The following MCTP2 variants were observed in gnomAD, a reference collection of about 807,000 sequenced individuals.
The protein encoded by MCTP2 is multiple C2 and transmembrane domain containing 2, also known as multiple C2 and transmembrane domain-containing protein 2.
In MCTP2, 132 loss-of-function variants were observed where a neutral mutation model predicts 111.6. The observed-to-expected ratio is 1.18, with a 90% confidence interval of 1.03 to 1.37. MCTP2 has a LOEUF of 1.37. Among genes scored for constraint, MCTP2 ranks in the 40% most tolerant of loss-of-function variants. MCTP2 has a pLI of 0.00. For synonymous variants in MCTP2, 395 were observed against 387.7 expected (o/e 1.02, Z -0.22); for missense variants, 1,183 against 1,067.9 (o/e 1.11, Z -1.50).
intron 20 of MCTP2, 33 bp from the exon 21 acceptor site, chr15:94,470,292 TGAACATCA>T (rs1256408885): frequency 8.1e-6 from 11 of 1,361,498 alleles, no homozygotes; most frequent in Non-Finnish European, 1.0e-5. Context: ...TGGCAGTTGT[TGAACATCA>T]GAGGAAATTA....
rs1346276849 is a variant in MCTP2, at chr15:94,298,538, C to T, written c.273C>T (p.Ser91=). 1 of 1,614,124 alleles carries T rather than the reference C, an allele frequency of 6.2e-7. No homozygotes were observed. Among genetic ancestry groups the T allele is most frequent in the African/African-American group, 1.3e-5 (1 of 75,052 alleles). The change falls in exon 2 of 23, where the codon AGC becomes AGT. Residue 91 remains serine, a synonymous_variant. Transcript: ENST00000357742. ...CCACTGCAGGGATCTTTCCCAAGAG[C>T]AGCAGTAGCTCCTTGAAACAGTCTG... ...SLSTAGIFPK[S]SSSSLKQSEE... is the part of the protein sequence containing the mutation.
chr15:94,461,639 A>G (rs2085217039), intron 20 of MCTP2, among the ~76,000 whole-genome samples: 1 of 152,192 alleles, frequency 6.6e-6, no homozygotes, highest in Non-Finnish European at 1.5e-5. Flanking sequence ...AGGGAGACCT[A>G]GAATAGGCAA....
intron 20 of MCTP2, among the ~76,000 whole-genome samples, chr15:94,464,927 A>G (rs746846848): frequency 6.6e-6 from 1 of 152,056 alleles, no homozygotes; most frequent in Non-Finnish European, 1.5e-5. Context: ...AAAGTAGATC[A>G]TTGGATACAT....
chr15:94,399,813 T>G lies in MCTP2; in HGVS notation c.1891-108T>G, dbSNP rs1567625984. ...ACCATTTCTTTGCTCCCTGCTAAGG[T>G]CAGAGTCAGAAGCTATTGGTCTGCA... On this transcript the variant is annotated intron_variant, in intron 15 of 22. Transcript: ENST00000357742. 3.4e-6 allele frequency: 3 copies of G among 894,420 alleles called. No individual in the cohort carries two copies. The East Asian group carries it at 7.3e-5, about 22-fold the overall frequency. 55.4% of individuals were successfully genotyped at this position (894,420 alleles called of 1,614,324 possible).
chr15:94,420,410 T>C (rs994848933), intron 17 of MCTP2, among the ~76,000 whole-genome samples: 1 of 152,120 alleles, frequency 6.6e-6, no homozygotes, highest in Non-Finnish European at 1.5e-5. Context: ...ATAGCCGTCA[T>C]TGATTGTGAA....
At chr15:94,435,400 G>A (rs1367507515) in intron 17 of MCTP2, among the ~76,000 whole-genome samples, 1 of 151,938 alleles carries the variant, frequency 6.6e-6, no homozygotes, top group Non-Finnish European at 1.5e-5. Flanking sequence ...CTAAAATACT[G>A]TGTTGCTTTC....
At chr15:94,241,607 A>AATAGT (rs1172671715) in intron 1 of MCTP2, among the ~76,000 whole-genome samples, 1 of 152,156 alleles carries the variant, frequency 6.6e-6, no homozygotes, top group African/African-American at 2.4e-5. Context: ...CATAGGATAG[A>AATAGT]ATAGTATAGA....
chr15:94,232,424 A>C (rs1489346233), intron 1 of MCTP2, among the ~76,000 whole-genome samples: 3 of 152,332 alleles, frequency 2.0e-5, no homozygotes, highest in South Asian at 2.1e-4. Flanking sequence ...TTAAGGTACC[A>C]AGCAGCTTCT....
intron 4 of MCTP2, among the ~76,000 whole-genome samples, chr15:94,332,719 G>A (rs1290440675): frequency 6.6e-6 from 1 of 150,904 alleles, no homozygotes; most frequent in Non-Finnish European, 1.5e-5. Flanking sequence ...ATTTCTTTTG[G>A]ATAAATTGCA....
At chr15:94,362,641 C>G (rs1054994901) in intron 10 of MCTP2, among the ~76,000 whole-genome samples, 1 of 152,232 alleles carries the variant, frequency 6.6e-6, no homozygotes, top group African/African-American at 2.4e-5. Flanking sequence ...CTTCCTTAGC[C>G]TCTGAGATTT....
intron 19 of MCTP2, among the ~76,000 whole-genome samples, chr15:94,455,893 G>T (rs1480780512): frequency 6.6e-6 from 1 of 152,206 alleles, no homozygotes; most frequent in African/African-American, 2.4e-5. Flanking sequence ...TATATAGACA[G>T]TTGTAGCTAG....
At chr15:94,441,465 C>T (rs999505976) in intron 18 of MCTP2, among the ~76,000 whole-genome samples, 19 of 152,106 alleles carry the variant, frequency 1.2e-4, no homozygotes, top group African/African-American at 2.7e-4. Context: ...ACAATGTTTA[C>T]GCAGGTTTTA....
chr15:94,287,751 C>T (rs961462817), intron 1 of MCTP2, among the ~76,000 whole-genome samples: 3 of 152,324 alleles, frequency 2.0e-5, no homozygotes, highest in Non-Finnish European at 4.4e-5. Context: ...CCAGTGCCAA[C>T]TGCTGACTGT....
intron 1 of MCTP2, among the ~76,000 whole-genome samples, chr15:94,267,119 C>T (rs1255671413): frequency 6.6e-6 from 1 of 152,174 alleles, no homozygotes; most frequent in African/African-American, 2.4e-5. Context: ...AGGTAGATGG[C>T]TGTTGGAGTT....
chr15:94,385,349 A>G (rs1567589282), intron 13 of MCTP2, 74 bp from the exon 14 acceptor site: 1 of 980,170 alleles, frequency 1.0e-6, no homozygotes, highest in South Asian at 1.3e-5. Context: ...TTAGTGAAAC[A>G]GTGTTTCCAG....
chr15:94,334,766 T>C lies in MCTP2; in HGVS notation c.638-4524T>C, dbSNP rs111819520. Among the ~76,000 whole-genome samples, 1,248 of 152,260 alleles carry C rather than the reference T, an allele frequency of 8.2e-3. 16 individuals carry two copies. Among genetic ancestry groups the C allele is most frequent in the African/African-American group, 0.029 (1,189 of 41,536 alleles). ...TCTCACTGCGTCACTCAGGCTGGTC[T>C]CAAACTCCTGGCCTCAAGTGATCCT... On this transcript the variant is annotated intron_variant, in intron 4 of 22. Transcript: ENST00000357742.
intron 11 of MCTP2, among the ~76,000 whole-genome samples, chr15:94,369,489 A>G (rs2079372125): frequency 6.6e-6 from 1 of 152,238 alleles, no homozygotes; most frequent in Non-Finnish European, 1.5e-5. Flanking sequence ...TGAGCAGTAG[A>G]TACATTCAGA....
intron 12 of MCTP2, among the ~76,000 whole-genome samples, chr15:94,374,946 A>G (rs549767172): frequency 5.4e-4 from 82 of 152,330 alleles, no homozygotes; most frequent in African/African-American, 1.9e-3. Flanking sequence ...CTCTTTTTAT[A>G]GCACAATCCC....
chr15:94,469,947 G>C (rs900039562), intron 20 of MCTP2, among the ~76,000 whole-genome samples: 5 of 152,110 alleles, frequency 3.3e-5, no homozygotes, highest in Admixed American at 6.5e-5. Context: ...TAGTAACCGT[G>C]TGTTTATTGA....
Sources: allele counts gnomAD v4.1 joint callset (sites outside exome capture counted in the v4.1 genomes callset), GRCh38; gene constraint gnomAD v4.1.1; transcripts MANE v1.5; gene names NCBI Gene and HGNC (gene_info 2026-07-23, HGNC 2026-07-21).